NBAS: variants seen among roughly 807,000 people sequenced by gnomAD.
The protein encoded by NBAS is NBAS subunit of NRZ tethering complex.
Under a neutral mutation model 302.5 loss-of-function variants are expected in NBAS, and 219 were observed. That is an observed-to-expected ratio of 0.72 (90% CI 0.65 to 0.81). The LOEUF is 0.81. Among genes scored for constraint, NBAS ranks in the 30% least tolerant of loss-of-function variants. The pLI is 0.00. For synonymous variants in NBAS, 1,118 were observed against 1,021.6 expected, an observed-to-expected ratio of 1.09 and a Z score of -1.80; for missense variants, 2,932 against 2,841.6, an observed-to-expected ratio of 1.03 and a Z score of -0.72.
At chr2:14,937,934 G>A in the NBAS span, among the ~76,000 whole-genome samples, 2 of 152,174 alleles carry the variant, frequency 1.3e-5, no homozygotes, top group African/African-American at 4.8e-5. Context: ...CTCAAGACCA[G>A]CCTGACCAAT....
intron 29 of NBAS, among the ~76,000 whole-genome samples, chr2:15,380,581 G>C (rs1313863421): frequency 1.3e-5 from 2 of 151,626 alleles, no homozygotes; most frequent in Non-Finnish European, 2.9e-5. Flanking sequence ...TAAAACAAGA[G>C]ACACTGAAGG....
chr2:15,290,562 G>A lies in NBAS; in HGVS notation c.5027+1975C>T, dbSNP rs189962608. ...CATGATAATCACCTTCTAAGAAACC[G>A]TGAACATGGCACCAAGGATTACCAA... On this transcript the variant is annotated intron_variant, in intron 41 of 51. Coordinates refer to ENST00000281513, the MANE Select transcript of NBAS (RefSeq NM_015909.4). 1.6e-3 allele frequency among the ~76,000 whole-genome samples: 238 copies of A among 152,184 alleles called. 1 individual carries two copies. Among genetic ancestry groups the A allele is most frequent in the Non-Finnish European group, 2.7e-3 (186 of 67,994 alleles).
intron 27 of NBAS, 68 bp downstream of exon 27, chr2:15,396,345 A>G: frequency 1.6e-6 from 2 of 1,289,908 alleles, no homozygotes; most frequent in South Asian, 1.3e-5. Context: ...GGCAGACTTA[A>G]TGTGACATTT....
At chr2:15,459,100 C>G (rs1246828691) in intron 21 of NBAS, among the ~76,000 whole-genome samples, 1 of 152,190 alleles carries the variant, frequency 6.6e-6, no homozygotes, top group African/African-American at 2.4e-5. Flanking sequence ...CTGTGCAGCT[C>G]TTTTGCAAAC....
At chr2:15,062,816 C>A in the NBAS span, among the ~76,000 whole-genome samples, 40 of 152,202 alleles carry the variant, frequency 2.6e-4, no homozygotes, top group African/African-American at 8.7e-4. Flanking sequence ...GAAATGTGAA[C>A]AATATGTAAG....
the NBAS span, among the ~76,000 whole-genome samples, chr2:15,026,749 A>C: frequency 2.6e-5 from 4 of 152,124 alleles, no homozygotes; most frequent in African/African-American, 9.7e-5. Flanking sequence ...CATATTGTAC[A>C]TGCAGTTTTC....
chr2:15,176,586 C>T (rs893270272), intron 51 of NBAS, among the ~76,000 whole-genome samples: 7 of 152,148 alleles, frequency 4.6e-5, no homozygotes, highest in African/African-American at 9.7e-5. Flanking sequence ...ATCCCTTATC[C>T]AAAAAGCTTG....
chr2:14,982,282 G>A, the NBAS span, among the ~76,000 whole-genome samples: 2 of 152,168 alleles, frequency 1.3e-5, no homozygotes, highest in African/African-American at 2.4e-5. Flanking sequence ...GACTGCAGAC[G>A]TGCCAGCACC....
the NBAS span, among the ~76,000 whole-genome samples, chr2:15,000,735 G>A: frequency 6.6e-6 from 1 of 152,140 alleles, no homozygotes; most frequent in African/African-American, 2.4e-5. Context: ...TCTCTGATGA[G>A]GACGTTCTAC....
Position 15,190,404 on chromosome 2 carries a change from C to A in NBAS, c.6433-1G>T. ...CATTCTCAATGTCAGCTATGTCTAC[C>A]TGGAAGAAGAAATACACACTTAAAG... is the stretch of plus-strand genomic sequence containing the variant. On this transcript the variant is annotated splice_acceptor_variant, in intron 48 of 51. Coordinates refer to ENST00000281513, the MANE Select transcript of NBAS (RefSeq NM_015909.4). LOFTEE classifies it high-confidence loss of function. 6.2e-7 allele frequency: 1 copy of A among 1,613,772 alleles called. No homozygotes were observed. Among genetic ancestry groups the A allele is most frequent in the Non-Finnish European group, 8.5e-7 (1 of 1,179,852 alleles).
Position 15,260,230 on chromosome 2 carries a change from C to T in NBAS, c.5724+15254G>A, listed in dbSNP as rs886090072. On this transcript the variant is annotated intron_variant, in intron 44 of 51. Transcript: ENST00000281513. ...TAATCAGGTGATTTTAATTTAGCTACATGAGTAAAAAAGGTTCAAGTTCAC... is the reference window on the plus strand; with the variant it reads ...TAATCAGGTGATTTTAATTTAGCTATATGAGTAAAAAAGGTTCAAGTTCAC... 4.1e-4 allele frequency among the ~76,000 whole-genome samples: 63 copies of T among 152,230 alleles called. 1 individual carries two copies. The highest frequency in any genetic ancestry group is 1.4e-3 in the African/African-American group (59 of 41,550).
At chr2:15,362,415 G>A (rs1406042815) in intron 32 of NBAS, among the ~76,000 whole-genome samples, 1 of 152,164 alleles carries the variant, frequency 6.6e-6, no homozygotes, top group Non-Finnish European at 1.5e-5. Flanking sequence ...GGCTGAGGCA[G>A]GAGGATCCCC....
the NBAS span, among the ~76,000 whole-genome samples, chr2:15,091,777 C>T: frequency 6.6e-6 from 1 of 152,222 alleles, no homozygotes; most frequent in Non-Finnish European, 1.5e-5. Context: ...AAATGATCTG[C>T]CAGCCTCGGC....
the NBAS span, among the ~76,000 whole-genome samples, chr2:14,789,147 T>C: frequency 1.3e-5 from 2 of 152,212 alleles, no homozygotes; most frequent in African/African-American, 4.8e-5. Context: ...ATGTGCGGGA[T>C]ATAATCTCCT....
downstream of NBAS, among the ~76,000 whole-genome samples, chr2:15,163,751 CTTA>C (rs534674729): frequency 4.1e-4 from 62 of 151,338 alleles, no homozygotes; most frequent in African/African-American, 1.4e-3. Flanking sequence ...GGTCCCACGT[CTTA>C]TTCTGTGAGA....
intron 44 of NBAS, among the ~76,000 whole-genome samples, chr2:15,254,432 TG>T (rs1185778344): frequency 6.6e-5 from 10 of 152,156 alleles, no homozygotes; most frequent in African/African-American, 2.4e-4. Context: ...GTTTGTGCAG[TG>T]GTAGAAAGTG....
intron 11 of NBAS, among the ~76,000 whole-genome samples, chr2:15,494,180 AT>A (rs780664970): frequency 2.6e-4 from 39 of 152,264 alleles, no homozygotes; most frequent in Non-Finnish European, 5.1e-4. Flanking sequence ...CCTCGTTTTT[AT>A]TTTAATCATG....
chr2:15,458,804 G>A (rs1679370770), intron 21 of NBAS, among the ~76,000 whole-genome samples: 2 of 152,062 alleles, frequency 1.3e-5, no homozygotes, highest in Non-Finnish European at 2.9e-5. Flanking sequence ...CAAAAAAACA[G>A]TGTGAAAGAC....
the NBAS span, among the ~76,000 whole-genome samples, chr2:14,866,200 C>G: frequency 1.3e-5 from 2 of 152,112 alleles, no homozygotes; most frequent in Non-Finnish European, 2.9e-5. Flanking sequence ...GCCATCTTCT[C>G]TTTTATACAG....
Sources: allele counts gnomAD v4.1 joint callset (sites outside exome capture counted in the v4.1 genomes callset), GRCh38; gene constraint gnomAD v4.1.1; transcripts MANE v1.5; gene names NCBI Gene and HGNC (gene_info 2026-07-23, HGNC 2026-07-21).